DTWD2: variants seen among roughly 807,000 people sequenced by gnomAD.
DTWD2 encodes tRNA-uridine aminocarboxypropyltransferase 2.
In DTWD2, 39 loss-of-function variants were observed where a neutral mutation model predicts 31.8. That is an observed-to-expected ratio of 1.22 (90% CI 0.95 to 1.60). DTWD2 has a LOEUF of 1.60. Ranked by LOEUF, DTWD2 falls within the 40% of genes most tolerant of loss-of-function variation. The probability of loss-of-function intolerance (pLI) is 0.00; values close to 1 mark genes in which losing one functional copy is unlikely to be tolerated. For missense variants in DTWD2, 515 were observed against 381.5 expected (o/e 1.35, Z -2.92); for synonymous variants, 180 against 142.8 (o/e 1.26, Z -1.86).
intron 4 of DTWD2, among the ~76,000 whole-genome samples, chr5:118,923,949 C>T (rs1472920461): frequency 6.6e-6 from 1 of 152,106 alleles, no homozygotes; most frequent in Non-Finnish European, 1.5e-5. Flanking sequence ...ATAAAAAATT[C>T]TAAAAAAAAT....
chr5:118,972,556 G>T (rs1267516186), intron 1 of DTWD2, among the ~76,000 whole-genome samples: 1 of 152,164 alleles, frequency 6.6e-6, no homozygotes, highest in African/African-American at 2.4e-5. Flanking sequence ...ACAAAGACGA[G>T]CTGGTACCAT....
At position 118,973,079 on chromosome 5, in the gene DTWD2, C is replaced by CCT. The variant is rs1221777850; in HGVS notation, c.218+15214_218+15215insAG. ...TATCAGAAACTAGGATTGCAACCCC[C>CCT]TTTTTTTTTTTTTTTTTTGGCTTTC... is the stretch of plus-strand genomic sequence containing the variant. On this transcript the variant is annotated intron_variant, in intron 1 of 5. Transcript: ENST00000510708. Among the ~76,000 whole-genome samples, 31 of 139,966 alleles carry CCT rather than the reference C, an allele frequency of 2.2e-4. 1 individual carries two copies. Among genetic ancestry groups the CCT allele is most frequent in the Non-Finnish European group, 2.6e-4 (17 of 64,590 alleles). 91.8% of individuals were successfully genotyped at this position (139,966 alleles called of 152,430 possible).
At chr5:118,878,908 T>C (rs1217856760) in intron 4 of DTWD2, among the ~76,000 whole-genome samples, 2 of 152,172 alleles carry the variant, frequency 1.3e-5, no homozygotes, top group Non-Finnish European at 2.9e-5. Context: ...CACTGATCAT[T>C]AGAGAAATGC....
At chr5:118,871,474 A>G (rs1357522187) in intron 4 of DTWD2, among the ~76,000 whole-genome samples, 3 of 152,230 alleles carry the variant, frequency 2.0e-5, no homozygotes, top group African/African-American at 4.8e-5. Context: ...CTTAAATTAT[A>G]AGACTTGAAA....
Position 118,988,293 on chromosome 5 carries a change from C to T in DTWD2, c.218+1G>A, listed in dbSNP as rs1238689952. 2 of 1,523,150 alleles carry T rather than the reference C, an allele frequency of 1.3e-6. No individual in the cohort carries two copies. Among genetic ancestry groups the T allele is most frequent in the Non-Finnish European group, 1.8e-6 (2 of 1,139,966 alleles). The allele number at this position is 1,523,150 out of a possible 1,614,324, so 94.4% of individuals were successfully genotyped here. A position where few individuals can be genotyped will look rare whatever the true frequency, so the allele number is the denominator to read the frequency against. On this transcript the variant is annotated splice_donor_variant, in intron 1 of 5. Coordinates refer to ENST00000510708, the MANE Select transcript of DTWD2 (RefSeq NM_173666.4). LOFTEE classifies it high-confidence loss of function. ...GTCCCCGCCCCCAGCCCCGCGGTCA[C>T]CTGCAGCGGGTGCACTCAGGCCTCC...
chr5:118,905,117 C>T (rs1345952756), intron 4 of DTWD2, among the ~76,000 whole-genome samples: 6 of 152,152 alleles, frequency 3.9e-5, no homozygotes, highest in African/African-American at 1.4e-4. Flanking sequence ...TGTGTCTGTG[C>T]TATATTAATG....
chr5:118,907,589 G>A (rs1000203166), intron 4 of DTWD2, among the ~76,000 whole-genome samples: 16 of 152,134 alleles, frequency 1.1e-4, no homozygotes, highest in African/African-American at 3.9e-4. Flanking sequence ...AAATTAGCCA[G>A]GCATGGTGGC....
At chr5:118,923,102 T>G (rs1398510367) in intron 4 of DTWD2, among the ~76,000 whole-genome samples, 1 of 152,126 alleles carries the variant, frequency 6.6e-6, no homozygotes, top group African/African-American at 2.4e-5. Context: ...AATCATGTTT[T>G]TGGAAACACT....
At chr5:118,873,632 C>T (rs1330072645) in intron 4 of DTWD2, among the ~76,000 whole-genome samples, 1 of 152,228 alleles carries the variant, frequency 6.6e-6, no homozygotes, top group Non-Finnish European at 1.5e-5. Flanking sequence ...ATGCCCATCG[C>T]CCCTGCCAAT....
At chr5:118,979,888 T>C (rs1755260841) in intron 1 of DTWD2, among the ~76,000 whole-genome samples, 1 of 152,208 alleles carries the variant, frequency 6.6e-6, no homozygotes, top group African/African-American at 2.4e-5. Flanking sequence ...GAATAGCTAA[T>C]GGATGCTGGG....
chr5:118,984,672 G>A (rs955210647), intron 1 of DTWD2, among the ~76,000 whole-genome samples: 13 of 152,062 alleles, frequency 8.5e-5, no homozygotes, highest in Admixed American at 7.9e-4. Context: ...CCATCTCAGG[G>A]TCTATCTGAT....
At chr5:118,949,297 G>C (rs546468107) in intron 1 of DTWD2, among the ~76,000 whole-genome samples, 6 of 152,302 alleles carry the variant, frequency 3.9e-5, no homozygotes, top group African/African-American at 1.4e-4. Context: ...TGCTGAGACT[G>C]ATGGGTGTCA....
intron 1 of DTWD2, among the ~76,000 whole-genome samples, chr5:118,981,769 T>TA (rs1755306209): frequency 6.6e-6 from 1 of 152,170 alleles, no homozygotes; most frequent in African/African-American, 2.4e-5. Context: ...ATTCAGGAGA[T>TA]ACAGGCTTGA....
intron 4 of DTWD2, among the ~76,000 whole-genome samples, chr5:118,865,995 C>CGTGT (rs3068505): frequency 4.2e-4 from 61 of 146,804 alleles, no homozygotes; most frequent in African/African-American, 5.5e-4. Flanking sequence ...CGTGTGTCTG[C>CGTGT]GTGTGTGTGT....
At chr5:118,899,560 G>A (rs1753157587) in intron 4 of DTWD2, among the ~76,000 whole-genome samples, 1 of 152,006 alleles carries the variant, frequency 6.6e-6, no homozygotes, top group African/African-American at 2.4e-5. Context: ...ATACCAAAGT[G>A]CCCAAATCAT....
At chr5:118,900,297 T>G (rs1753176508) in intron 4 of DTWD2, among the ~76,000 whole-genome samples, 1 of 152,232 alleles carries the variant, frequency 6.6e-6, no homozygotes, top group African/African-American at 2.4e-5. Flanking sequence ...GTTAATAACT[T>G]GCTAGCTTAA....
chr5:118,944,737 T>C (rs1754295183), intron 1 of DTWD2, 88 bp from the exon 2 acceptor site: 1 of 1,224,116 alleles, frequency 8.2e-7, no homozygotes, highest in Admixed American at 2.3e-5. Flanking sequence ...CCCACTGCAT[T>C]TATACAAAGA....
intron 4 of DTWD2, among the ~76,000 whole-genome samples, chr5:118,851,365 G>A (rs1270520031): frequency 1.3e-5 from 2 of 151,632 alleles, no homozygotes; most frequent in African/African-American, 4.9e-5. Flanking sequence ...TTACATCTGG[G>A]CCGCCGGGGG....
At chr5:118,867,637 G>C (rs943489636) in intron 4 of DTWD2, among the ~76,000 whole-genome samples, 1 of 152,154 alleles carries the variant, frequency 6.6e-6, no homozygotes, top group East Asian at 1.9e-4. Flanking sequence ...TCAGGTTGTC[G>C]GACTGAGCCC....
Sources: allele counts gnomAD v4.1 joint callset (sites outside exome capture counted in the v4.1 genomes callset), GRCh38; gene constraint gnomAD v4.1.1; transcripts MANE v1.5; gene names NCBI Gene and HGNC (gene_info 2026-07-23, HGNC 2026-07-21).